NTNG1: variants seen among roughly 807,000 people sequenced by gnomAD.
NTNG1 encodes the protein netrin-G1.
NTNG1 carries 16 observed loss-of-function variants against 54.0 expected under a neutral mutation model. The observed-to-expected ratio is 0.30, with a 90% CI of 0.20 to 0.45. The LOEUF (loss-of-function observed/expected upper bound fraction) is 0.45, where lower values mean the gene tolerates loss of function less well. Among genes scored for constraint, NTNG1 ranks in the 20% least tolerant of loss-of-function variants. NTNG1 has a pLI of 1.00. For missense variants in NTNG1, 530 were observed against 678.7 expected, an observed-to-expected ratio of 0.78 and a Z score of 2.43; for synonymous variants, 255 against 263.1, an observed-to-expected ratio of 0.97 and a Z score of 0.30.
intron 3 of NTNG1, among the ~76,000 whole-genome samples, chr1:107,339,308 T>G (rs1403807261): frequency 1.3e-5 from 2 of 152,012 alleles, no homozygotes; most frequent in Non-Finnish European, 2.9e-5. Flanking sequence ...GGGTGACCCA[T>G]TTAAAGGAAG....
At chr1:107,366,995 G>A (rs1670628431) in intron 3 of NTNG1, among the ~76,000 whole-genome samples, 1 of 151,792 alleles carries the variant, frequency 6.6e-6, no homozygotes, top group Non-Finnish European at 1.5e-5. Flanking sequence ...TTGATCTATT[G>A]AATAAGCATA....
chr1:107,424,126 A>G (rs1674735597), intron 5 of NTNG1, among the ~76,000 whole-genome samples: 1 of 152,146 alleles, frequency 6.6e-6, no homozygotes, highest in Non-Finnish European at 1.5e-5. Flanking sequence ...TATAAACAAG[A>G]TTAGGAAATT....
intron 7 of NTNG1, among the ~76,000 whole-genome samples, chr1:107,440,272 G>A (rs150225807): frequency 1.3e-5 from 2 of 152,212 alleles, no homozygotes; most frequent in African/African-American, 4.8e-5. Context: ...TTGGGTTTGG[G>A]AACAGAAGAT....
intron 2 of NTNG1, among the ~76,000 whole-genome samples, chr1:107,284,211 T>A (rs936119201): frequency 3.3e-5 from 5 of 152,036 alleles, no homozygotes; most frequent in African/African-American, 1.2e-4. Flanking sequence ...CTGAATAAAT[T>A]ATTGATTGTT....
At chr1:107,392,019 A>G (rs138952855) in intron 3 of NTNG1, among the ~76,000 whole-genome samples, 2 of 152,300 alleles carry the variant, frequency 1.3e-5, no homozygotes, top group African/African-American at 4.8e-5. Context: ...AAGATGGTAC[A>G]ATTTACTAAG....
intron 2 of NTNG1, among the ~76,000 whole-genome samples, chr1:107,160,029 G>T (rs1174979412): frequency 6.6e-6 from 1 of 152,148 alleles, no homozygotes; most frequent in Non-Finnish European, 1.5e-5. Flanking sequence ...TCATATTCTT[G>T]TGGGTGAGGT....
Position 107,208,543 on chromosome 1 carries a change from T to G in NTNG1, c.246+59704T>G, listed in dbSNP as rs577420525. 4.6e-5 allele frequency among the ~76,000 whole-genome samples: 7 copies of G among 152,254 alleles called. No individual in the cohort carries two copies. In the East Asian group the frequency reaches 1.4e-3, roughly 29 times the overall value. ...CAAATATGTCCCCAAGCAACACACC[T>G]ACGCCCCATGTCTCACTGAGTTTCT... On this transcript the variant is annotated intron_variant, in intron 2 of 7. Transcript: ENST00000370068.
Position 107,439,903 on chromosome 1 carries a change from C to A in NTNG1, c.1390+3104C>A, listed in dbSNP as rs551357092. On this transcript the variant is annotated intron_variant, in intron 7 of 7. Coordinates refer to ENST00000370068, the MANE Select transcript of NTNG1 (RefSeq NM_001113226.3). ...TTTTCATTTTGCTCCTGTCCTCACA[C>A]ACATGAATGCACTCAAAAATGCCCC... Among the ~76,000 whole-genome samples, 373 of 151,992 alleles carry A rather than the reference C, an allele frequency of 2.5e-3. 1 individual carries two copies. The highest frequency in any genetic ancestry group is 8.8e-3 in the African/African-American group (365 of 41,446).
intron 2 of NTNG1, among the ~76,000 whole-genome samples, chr1:107,303,034 G>T (rs772439108): frequency 6.6e-6 from 1 of 152,096 alleles, no homozygotes; most frequent in South Asian, 2.1e-4. Context: ...AAATACTGTA[G>T]TAAAACAATA....
chr1:107,435,706 T>C lies in NTNG1; in HGVS notation c.1256-959T>C, dbSNP rs562328002. On this transcript the variant is annotated intron_variant, in intron 6 of 7. Coordinates refer to ENST00000370068, the MANE Select transcript of NTNG1 (RefSeq NM_001113226.3). ...TTTATTTGGTTTTTCATGAGGGAACTGCTTAATGTACCCATTTTTAAATAA... is the reference window on the plus strand; with the variant it reads ...TTTATTTGGTTTTTCATGAGGGAACCGCTTAATGTACCCATTTTTAAATAA... Among the ~76,000 whole-genome samples the C allele has an allele frequency of 1.7e-3, 253 of 152,262 alleles. 1 individual carries two copies. Among genetic ancestry groups the C allele is most frequent in the African/African-American group, 5.9e-3 (244 of 41,578 alleles).
intron 3 of NTNG1, among the ~76,000 whole-genome samples, chr1:107,328,099 C>T (rs981122711): frequency 3.9e-5 from 6 of 152,108 alleles, no homozygotes; most frequent in Non-Finnish European, 5.9e-5. Context: ...TACTCCCTCT[C>T]ATTGCGTATT....
intron 2 of NTNG1, among the ~76,000 whole-genome samples, chr1:107,315,208 T>C (rs193117216): frequency 1.5e-4 from 23 of 152,244 alleles, no homozygotes; most frequent in Admixed American, 1.4e-3. Context: ...CTCCATTGAT[T>C]GTTCTTTAAA....
At chr1:107,279,408 A>C (rs1219470688) in intron 2 of NTNG1, among the ~76,000 whole-genome samples, 1 of 152,132 alleles carries the variant, frequency 6.6e-6, no homozygotes, top group Admixed American at 6.6e-5. Flanking sequence ...TGTTGGAGCA[A>C]AATTATTTAA....
chr1:107,424,682 C>T (rs1674783931), intron 5 of NTNG1, among the ~76,000 whole-genome samples: 1 of 151,996 alleles, frequency 6.6e-6, no homozygotes, highest in Non-Finnish European at 1.5e-5. Context: ...GGGTGAGTAG[C>T]AAGTTTAGGA....
intron 2 of NTNG1, among the ~76,000 whole-genome samples, chr1:107,201,363 G>A (rs938959190): frequency 6.6e-6 from 1 of 151,694 alleles, no homozygotes; most frequent in African/African-American, 2.4e-5. Flanking sequence ...CCCTACTCTC[G>A]TGCCAACTTG....
intron 4 of NTNG1, among the ~76,000 whole-genome samples, chr1:107,398,128 T>A (rs533641892): frequency 6.6e-6 from 1 of 152,238 alleles, no homozygotes; most frequent in African/African-American, 2.4e-5. Context: ...GAAATGCCAC[T>A]CATCCTGGAT....
At chr1:107,244,855 C>T (rs1662087826) in intron 2 of NTNG1, among the ~76,000 whole-genome samples, 1 of 152,228 alleles carries the variant, frequency 6.6e-6, no homozygotes, top group Admixed American at 6.5e-5. Flanking sequence ...ATTTAGCTGT[C>T]ACTTTGGAGC....
At chr1:107,149,001 G>C (rs1183587457) in intron 2 of NTNG1, among the ~76,000 whole-genome samples, 162 bp downstream of exon 2, 1 of 152,130 alleles carries the variant, frequency 6.6e-6, no homozygotes, top group East Asian at 1.9e-4. Flanking sequence ...GGCTTACACT[G>C]CCTGGAGTTA....
chr1:107,140,489 A>G (rs779263336), upstream of NTNG1, among the ~76,000 whole-genome samples: 5 of 151,938 alleles, frequency 3.3e-5, no homozygotes, highest in Non-Finnish European at 5.9e-5. Context: ...ATTTCATCAA[A>G]CGGACTTTGG....
Sources: allele counts gnomAD v4.1 joint callset (sites outside exome capture counted in the v4.1 genomes callset), GRCh38; gene constraint gnomAD v4.1.1; transcripts MANE v1.5; gene names NCBI Gene and HGNC (gene_info 2026-07-23, HGNC 2026-07-21).